Variants in CTXND1 observed in about 807,000 individuals in gnomAD.
The protein encoded by CTXND1 is cortexin domain-containing 1 protein.
chr15:80,207,952 A>T (rs1174846369), intron 1 of CTXND1, among the ~76,000 whole-genome samples: 1 of 152,248 alleles, frequency 6.6e-6, no homozygotes, highest in Non-Finnish European at 1.5e-5. Context: ...GGGGGAAATT[A>T]TTCAGGATTA....
At chr15:80,245,452 C>T (rs557473937) in intron 1 of CTXND1, among the ~76,000 whole-genome samples, 19 of 152,314 alleles carry the variant, frequency 1.2e-4, no homozygotes, top group Admixed American at 1.2e-3. Flanking sequence ...CATGCAGTTA[C>T]CTTCAGATCC....
At chr15:80,246,558 G>A (rs959630983) in intron 1 of CTXND1, among the ~76,000 whole-genome samples, 1 of 152,208 alleles carries the variant, frequency 6.6e-6, no homozygotes, top group African/African-American at 2.4e-5. Context: ...ACCCGTTGTG[G>A]GAGTTAATGT....
intron 1 of CTXND1, among the ~76,000 whole-genome samples, chr15:80,232,506 T>C (rs1302551903): frequency 5.9e-5 from 9 of 152,196 alleles, no homozygotes; most frequent in African/African-American, 2.2e-4. Context: ...AATCAATCTT[T>C]CTTCTCCAAA....
intron 1 of CTXND1, among the ~76,000 whole-genome samples, chr15:80,208,069 A>G (rs952188538): frequency 5.9e-5 from 9 of 152,238 alleles, no homozygotes; most frequent in Non-Finnish European, 1.0e-4. Flanking sequence ...AGGCTTGAGG[A>G]TGAGGAAATA....
chr15:80,248,153 G>A (rs532268832), intron 1 of CTXND1, among the ~76,000 whole-genome samples: 24 of 152,238 alleles, frequency 1.6e-4, no homozygotes, highest in Admixed American at 2.0e-4. Flanking sequence ...CCTAGACTAC[G>A]CCCTCTCACA....
intron 1 of CTXND1, among the ~76,000 whole-genome samples, chr15:80,246,640 T>TG (rs5814011): frequency 0.74 from 112,917 of 152,208 alleles, 41,981 homozygotes; most frequent in East Asian, 0.81. Context: ...CTGTGGACTT[T>TG]GGGGATTTGG....
At position 80,252,193 on chromosome 15, in the gene CTXND1, C is replaced by A. The variant is rs1893706132; in HGVS notation, c.-404G>T. 1 of 151,784 alleles carries A rather than the reference C, an allele frequency of 6.6e-6. No homozygotes were observed. Among genetic ancestry groups the A allele is most frequent in the African/African-American group, 2.4e-5 (1 of 41,382 alleles). 9.4% of individuals were successfully genotyped at this position (151,784 alleles called of 1,614,324 possible). A position where few individuals can be genotyped will look rare whatever the true frequency, so the allele number is the denominator to read the frequency against. On this transcript the variant is annotated 5_prime_UTR_variant, in exon 1 of 3. Transcript: ENST00000560778. ...CCCAGCGGCGCGGGCGAGCCCGGGC[C>A]AGCAGCCGAGAGGGGGCTCTGAGCG... is the stretch of plus-strand genomic sequence containing the variant.
chr15:80,250,439 T>A (rs1025622999), intron 1 of CTXND1, among the ~76,000 whole-genome samples: 1 of 152,178 alleles, frequency 6.6e-6, no homozygotes, highest in African/African-American at 2.4e-5. Flanking sequence ...TGGCGAGAAA[T>A]TTGCTATAAT....
chr15:80,235,075 T>G (rs1245744884), intron 1 of CTXND1, among the ~76,000 whole-genome samples: 1 of 152,168 alleles, frequency 6.6e-6, no homozygotes, highest in Non-Finnish European at 1.5e-5. Context: ...GCTCTTCCTT[T>G]GCCTCTCAGC....
rs575107499 is a variant in CTXND1 at position 80,212,231 on chromosome 15, C to G, written c.-217-8491G>C. Among the ~76,000 whole-genome samples, 70 of 152,318 alleles carry G rather than the reference C, an allele frequency of 4.6e-4. 1 individual carries two copies. The highest frequency in any genetic ancestry group is 4.4e-3 in the Admixed American group (68 of 15,306). On this transcript the variant is annotated intron_variant, in intron 1 of 2. Transcript: ENST00000560778. The stretch of plus-strand genomic sequence containing the variant: ...CTTCTAGCCCTGCTTCCTCCAGTCC[C>G]GTGTCAGTTTCTCCTAGGAGCCCTT...
chr15:80,239,897 T>C (rs980976873), intron 1 of CTXND1, among the ~76,000 whole-genome samples: 2 of 152,218 alleles, frequency 1.3e-5, no homozygotes, highest in Non-Finnish European at 2.9e-5. Flanking sequence ...TTATTGATCA[T>C]TTGCTGTTAT....
rs1893703286 is a variant in CTXND1, at chr15:80,252,055, C to T, written c.-266G>A. ...TCCCGGGGTCCTGGCTGGGCCGGCGCCGAGCCCAGGGCGACCGCGGATCGC... is the reference window on the plus strand; with the variant it reads ...TCCCGGGGTCCTGGCTGGGCCGGCGTCGAGCCCAGGGCGACCGCGGATCGC... On this transcript the variant is annotated 5_prime_UTR_variant, in exon 1 of 3. Coordinates refer to ENST00000560778, the MANE Select transcript of CTXND1 (RefSeq NM_001352888.2). 6.6e-6 allele frequency: 1 copy of T among 151,748 alleles called. No homozygotes were observed. The highest frequency in any genetic ancestry group is 1.9e-4 in the East Asian group (1 of 5,162). 9.4% of individuals were successfully genotyped at this position (151,748 alleles called of 1,614,324 possible). A position where few individuals can be genotyped will look rare whatever the true frequency, so the allele number is the denominator to read the frequency against.
intron 1 of CTXND1, among the ~76,000 whole-genome samples, chr15:80,227,067 A>G (rs576834704): frequency 2.0e-5 from 3 of 152,310 alleles, no homozygotes; most frequent in African/African-American, 7.2e-5. Context: ...CACATAGCAG[A>G]TGCTGTTCAA....
intron 1 of CTXND1, among the ~76,000 whole-genome samples, chr15:80,218,513 T>C (rs1376570189): frequency 6.6e-6 from 1 of 152,224 alleles, no homozygotes; most frequent in Non-Finnish European, 1.5e-5. Context: ...ACTTTCTGCA[T>C]TTTGTTGATG....
intron 2 of CTXND1, among the ~76,000 whole-genome samples, chr15:80,202,342 T>C (rs1893085933): frequency 6.6e-6 from 1 of 152,130 alleles, no homozygotes; most frequent in Non-Finnish European, 1.5e-5. Flanking sequence ...TGCAGCTGCC[T>C]CCACTCCATG....
rs1318178167 is a variant in CTXND1 at position 80,198,499 on chromosome 15, A to G, written c.*3271T>C. ...AGTTTATCTTTCTATCCACAACCCC[A>G]AAGTTCATCTTAGCTTGCCAGAAAC... On this transcript the variant is annotated 3_prime_UTR_variant, in exon 3 of 3. Transcript: ENST00000560778. The G allele has an allele frequency of 6.6e-6, 1 of 152,248 alleles. No homozygotes were observed. The highest frequency in any genetic ancestry group is 2.1e-4 in the South Asian group (1 of 4,836). The allele number at this position is 152,248 out of a possible 1,614,324, so 9.4% of individuals were successfully genotyped here. A position where few individuals can be genotyped will look rare whatever the true frequency, so the allele number is the denominator to read the frequency against.
At chr15:80,233,945 G>C (rs1893461895) in intron 1 of CTXND1, among the ~76,000 whole-genome samples, 2 of 152,136 alleles carry the variant, frequency 1.3e-5, no homozygotes, top group Admixed American at 1.3e-4. Flanking sequence ...TGCAGGAATG[G>C]GGTCACCACC....
intron 1 of CTXND1, among the ~76,000 whole-genome samples, chr15:80,243,714 C>T (rs1316217060): frequency 6.6e-6 from 1 of 152,196 alleles, no homozygotes; most frequent in East Asian, 1.9e-4. Context: ...ATGAGGCAGA[C>T]AGAGTGTGCA....
Position 80,196,130 on chromosome 15 carries a change from C to T in CTXND1, c.*5640G>A, listed in dbSNP as rs1473617803. On this transcript the variant is annotated 3_prime_UTR_variant, in exon 3 of 3. Transcript: ENST00000560778. ...GTATCCCTTGTCCTCATTCTGTAAG[C>T]CTGAGGTGGGGGCATGAAATTAGAT... 4 of 152,176 alleles carry T rather than the reference C, an allele frequency of 2.6e-5. No individual in the cohort carries two copies. Among genetic ancestry groups the T allele is most frequent in the African/African-American group, 9.7e-5 (4 of 41,410 alleles). 9.4% of individuals were successfully genotyped at this position (152,176 alleles called of 1,614,324 possible).
Sources: gnomAD v4.1 joint callset for allele counts (sites outside exome capture counted in the v4.1 genomes callset) on GRCh38, gnomAD v4.1.1 for gene constraint, MANE v1.5 for transcripts, NCBI Gene and HGNC (gene_info 2026-07-23, HGNC 2026-07-21) for gene names.